PLA2G2C: variants seen among roughly 807,000 people sequenced by gnomAD.
The protein encoded by PLA2G2C is phospholipase A2 group IIC, also known as putative inactive group IIC secretory phospholipase A2.
In PLA2G2C, 15 loss-of-function variants were observed where a neutral mutation model predicts 14.3. The observed-to-expected ratio is 1.05, with a 90% confidence interval of 0.70 to 1.62. The LOEUF (loss-of-function observed/expected upper bound fraction) is 1.62. Among genes scored for constraint, PLA2G2C ranks in the 40% most tolerant of loss-of-function variants. The pLI, the probability that PLA2G2C is intolerant of heterozygous loss-of-function variation, is 0.00. For missense variants in PLA2G2C, 162 were observed against 173.2 expected (o/e 0.94, Z 0.36); for synonymous variants, 79 against 67.7 (o/e 1.17, Z -0.82).
chr1:20,186,330 C>T (rs1011313105), intron 1 of PLA2G2C, 30 bp downstream of exon 1: 1 of 152,262 alleles, frequency 6.6e-6, no homozygotes. Context: ...AGTCTGCTCC[C>T]GAGGCAAAGC....
intron 2 of PLA2G2C, among the ~76,000 whole-genome samples, chr1:20,177,015 T>C (rs1449992302): frequency 6.6e-6 from 1 of 152,218 alleles, no homozygotes; most frequent in African/African-American, 2.4e-5. Flanking sequence ...AAATAAAGGC[T>C]ACTAGCATCC....
chr1:20,178,360 AG>A (rs1204858156), intron 1 of PLA2G2C, among the ~76,000 whole-genome samples: 1 of 152,162 alleles, frequency 6.6e-6, no homozygotes, highest in Non-Finnish European at 1.5e-5. Flanking sequence ...AGCCTAGAGA[AG>A]TTGGCAGGTG....
chr1:20,171,742 T>C (rs991896126), intron 4 of PLA2G2C, among the ~76,000 whole-genome samples: 3 of 149,796 alleles, frequency 2.0e-5, no homozygotes, highest in African/African-American at 4.9e-5. Flanking sequence ...CCACACACTA[T>C]AAGAAGCCAC....
At chr1:20,172,520 C>T (rs572872049) in intron 4 of PLA2G2C, among the ~76,000 whole-genome samples, 2 of 152,300 alleles carry the variant, frequency 1.3e-5, no homozygotes, top group South Asian at 4.1e-4. Flanking sequence ...TCAAGATTAG[C>T]TCAAGTGAAC....
chr1:20,175,208 T>C, intron 2 of PLA2G2C, 63 bp from the exon 3 acceptor site: 1 of 1,612,360 alleles, frequency 6.2e-7, no homozygotes, highest in East Asian at 2.2e-5. Context: ...GCTGCCTTGA[T>C]GTCCCCTCCC....
rs991878971 is a variant in PLA2G2C, at chr1:20,186,441, G to C, written c.-158C>G. The C allele has an allele frequency of 1.4e-4, 22 of 152,420 alleles. No homozygotes were observed. The highest frequency in any genetic ancestry group is 4.8e-4 in the African/African-American group (20 of 41,474). 9.4% of individuals were successfully genotyped at this position (152,420 alleles called of 1,614,324 possible). On this transcript the variant is annotated 5_prime_UTR_variant, in exon 1 of 5. In the 5' UTR this introduces an upstream ATG that the reference lacks. Transcript: ENST00000679259. ...CGCTGGGCCATGCCCTCCAGGCTGG[G>C]ATGTAGCGACGGGGACACAGACCCA...
chr1:20,174,167 T>C (rs1360113808), intron 3 of PLA2G2C, among the ~76,000 whole-genome samples: 1 of 152,166 alleles, frequency 6.6e-6, no homozygotes, highest in Non-Finnish European at 1.5e-5. Flanking sequence ...GGTCCTCCCA[T>C]GGTTCCATGA....
chr1:20,175,008 T>C lies in PLA2G2C; in HGVS notation c.178A>G (p.Arg60Gly), dbSNP rs772652285. ...TGGCCTTAGAGCCTCTGCACCCACC[T>C]GTCAGTGTCATCCACGGGGATCCCT... ...DKGIPVDDTD[R>G]HSPSSPSPYE... The change falls in exon 3 of 5, where the codon AGG becomes GGG. Residue 60 changes from arginine (R) to glycine (G), a missense_variant and splice_region_variant. Coordinates refer to ENST00000679259, the MANE Select transcript of PLA2G2C (RefSeq NM_001367969.2). 13 of 1,611,044 alleles carry C rather than the reference T, an allele frequency of 8.1e-6. No homozygotes were observed. The highest frequency in any genetic ancestry group is 2.7e-5 in the African/African-American group (2 of 73,082).
intron 1 of PLA2G2C, among the ~76,000 whole-genome samples, chr1:20,179,691 G>A (rs1173927788): frequency 1.4e-5 from 2 of 144,700 alleles, no homozygotes; most frequent in African/African-American, 5.3e-5. Flanking sequence ...TTCTCTCTGT[G>A]TGTGTCAGCT....
intron 1 of PLA2G2C, among the ~76,000 whole-genome samples, chr1:20,180,156 A>G (rs1225351387): frequency 6.6e-6 from 1 of 151,668 alleles, no homozygotes; most frequent in Non-Finnish European, 1.5e-5. Context: ...CCCTCTCCCC[A>G]TTCTTCCCTT....
At position 20,174,769 on chromosome 1, in the gene PLA2G2C, C is replaced by T. The variant is rs566356509; in HGVS notation, c.179+238G>A. Among the ~76,000 whole-genome samples, 56 of 152,244 alleles carry T rather than the reference C, an allele frequency of 3.7e-4. 2 individuals are homozygous for T. In the South Asian group the frequency reaches 0.011, roughly 30 times the overall value. On this transcript the variant is annotated intron_variant, in intron 3 of 4. Coordinates refer to ENST00000679259, the MANE Select transcript of PLA2G2C (RefSeq NM_001367969.2). ...CAGATCACACGCTCAAGAAGCTGGCCCTGACCCTTATGAGTGTTGGGCCCT... is the reference window on the plus strand; with the variant it reads ...CAGATCACACGCTCAAGAAGCTGGCTCTGACCCTTATGAGTGTTGGGCCCT...
intron 4 of PLA2G2C, among the ~76,000 whole-genome samples, chr1:20,168,194 G>A (rs180958437): frequency 6.6e-6 from 1 of 152,226 alleles, no homozygotes; most frequent in South Asian, 2.1e-4. Context: ...CAGGCAAGTT[G>A]CTTCCCTCTC....
intron 4 of PLA2G2C, among the ~76,000 whole-genome samples, chr1:20,172,224 C>A (rs918570867): frequency 2.6e-5 from 4 of 152,146 alleles, no homozygotes; most frequent in African/African-American, 9.7e-5. Flanking sequence ...ATACCCATAC[C>A]CTACCAGCCG....
intron 1 of PLA2G2C, chr1:20,184,259 T>C (rs12141257): frequency 0.3 from 45,177 of 151,670 alleles, 7,769 homozygotes; most frequent in African/African-American, 0.47. Context: ...CTCCAAAGGA[T>C]TGTATAATTC....
chr1:20,181,975 T>G (rs74387951), intron 1 of PLA2G2C, among the ~76,000 whole-genome samples: 3,105 of 152,178 alleles, frequency 0.02, 118 homozygotes, highest in African/African-American at 0.071. Context: ...AGCCTCACCT[T>G]CCTCCACTAG....
intron 2 of PLA2G2C, 59 bp from the exon 3 acceptor site, chr1:20,175,204 T>TAAGGGGA (rs1376732529): frequency 6.2e-7 from 1 of 1,612,610 alleles, no homozygotes; most frequent in South Asian, 1.1e-5. Context: ...TGATGCTGCC[T>TAAGGGGA]TGATGTCCCC....
intron 1 of PLA2G2C, among the ~76,000 whole-genome samples, chr1:20,178,301 C>A (rs2018219268): frequency 6.6e-6 from 1 of 152,162 alleles, no homozygotes; most frequent in African/African-American, 2.4e-5. Context: ...ATAAATCAGG[C>A]TAAATCTGGT....
chr1:20,175,026 G>A lies in PLA2G2C; in HGVS notation c.160C>T (p.Pro54Ser). 6.2e-7 allele frequency: 1 copy of A among 1,613,638 alleles called. No homozygotes were observed. The highest frequency in any genetic ancestry group is 8.5e-7 in the Non-Finnish European group (1 of 1,179,768). ...ACCCACCTGTCAGTGTCATCCACGG[G>A]GATCCCTTTATCCCCAAGCCCACAG... ...CYCGLGDKGI[P>S]VDDTDRHSPS... The change falls in exon 3 of 5, where the codon CCC becomes TCC. Residue 54 changes from proline to serine, a missense_variant. Physicochemically the swap from Pro to Ser is moderately conservative, Grantham distance 74 (BLOSUM62 -1). Coordinates refer to ENST00000679259, the MANE Select transcript of PLA2G2C (RefSeq NM_001367969.2).
At chr1:20,186,005 G>A (rs1327044316) in intron 1 of PLA2G2C, 2 of 54,640 alleles carry the variant, frequency 3.7e-5, no homozygotes, top group Non-Finnish European at 7.3e-5. Flanking sequence ...GCCCCCACCC[G>A]ACCCCACCCG....
Sources: gnomAD v4.1 joint callset for allele counts (sites outside exome capture counted in the v4.1 genomes callset) on GRCh38, gnomAD v4.1.1 for gene constraint, MANE v1.5 for transcripts, NCBI Gene and HGNC (gene_info 2026-07-23, HGNC 2026-07-21) for gene names.